The following MCTP1 variants were observed in gnomAD, a reference collection of about 807,000 sequenced individuals.
MCTP1 encodes multiple C2 and transmembrane domain-containing protein 1.
A neutral mutation model predicts 120.6 loss-of-function variants in MCTP1; 69 were observed. The ratio of observed to expected loss-of-function variants is 0.57; its 90% CI spans 0.47 to 0.70. MCTP1 has a LOEUF of 0.70. Among genes scored for constraint, MCTP1 ranks in the 30% least tolerant of loss-of-function variants. MCTP1 has a pLI of 0.00. For missense variants in MCTP1, 1,203 were observed against 1,248.8 expected (o/e 0.96, Z 0.55); for synonymous variants, 529 against 493.1 (o/e 1.07, Z -0.96).
At chr5:94,831,487 G>T (rs1788512899) in intron 17 of MCTP1, among the ~76,000 whole-genome samples, 1 of 152,084 alleles carries the variant, frequency 6.6e-6, no homozygotes, top group Non-Finnish European at 1.5e-5. Context: ...AGATCCTTGT[G>T]CAGTTTTTAA....
chr5:95,063,472 C>T (rs1316720169), intron 1 of MCTP1, among the ~76,000 whole-genome samples: 1 of 152,188 alleles, frequency 6.6e-6, no homozygotes, highest in Non-Finnish European at 1.5e-5. Context: ...AAATGTTACA[C>T]GTTAACACAG....
At chr5:95,053,039 T>A (rs1208198758) in intron 1 of MCTP1, among the ~76,000 whole-genome samples, 1 of 152,198 alleles carries the variant, frequency 6.6e-6, no homozygotes, top group Non-Finnish European at 1.5e-5. Flanking sequence ...AATACTAAAA[T>A]AAGTCTGTTT....
chr5:94,765,969 G>A (rs968514696), intron 19 of MCTP1, among the ~76,000 whole-genome samples: 1 of 152,166 alleles, frequency 6.6e-6, no homozygotes, highest in African/African-American at 2.4e-5. Flanking sequence ...AAGAGGCCTG[G>A]TGCGGTGGCT....
At chr5:95,000,973 C>T (rs1274378431) in intron 2 of MCTP1, among the ~76,000 whole-genome samples, 1 of 152,162 alleles carries the variant, frequency 6.6e-6, no homozygotes, top group Non-Finnish European at 1.5e-5. Flanking sequence ...CCCATAATCC[C>T]CACAAATCAT....
intron 1 of MCTP1, among the ~76,000 whole-genome samples, chr5:95,125,321 A>G (rs571060038): frequency 1.3e-5 from 2 of 152,340 alleles, no homozygotes; most frequent in South Asian, 2.1e-4. Context: ...GAACAATTTT[A>G]AACATATTAT....
intron 17 of MCTP1, among the ~76,000 whole-genome samples, chr5:94,832,609 AACACACACACACACACAC>A (rs59233492): frequency 2.0e-5 from 3 of 147,124 alleles, no homozygotes; most frequent in Admixed American, 6.8e-5. Flanking sequence ...GGGCTAGCTG[AACACACACACACACACAC>A]ACACACACAC....
chr5:94,927,095 A>G (rs1813332259), intron 6 of MCTP1, among the ~76,000 whole-genome samples: 1 of 152,214 alleles, frequency 6.6e-6, no homozygotes, highest in Admixed American at 6.5e-5. Flanking sequence ...CTTTGGGGAA[A>G]TATTGTCAAA....
At chr5:94,826,119 T>G (rs534294028) in intron 17 of MCTP1, 56 of 347,840 alleles carry the variant, frequency 1.6e-4, no homozygotes, top group East Asian at 1.0e-3. Context: ...ACAGTACAGA[T>G]CTCATGAATC....
intron 6 of MCTP1, chr5:94,929,596 A>T (rs1814034730): frequency 1.1e-6 from 1 of 877,890 alleles, no homozygotes; most frequent in Non-Finnish European, 1.4e-6. Context: ...AACATAGTAA[A>T]ATCTATAAAG....
At chr5:94,969,291 T>G (rs375017966) in intron 2 of MCTP1, among the ~76,000 whole-genome samples, 4 of 152,160 alleles carry the variant, frequency 2.6e-5, no homozygotes, top group African/African-American at 9.6e-5. Flanking sequence ...CTAAACGTGG[T>G]CTGAATGTGT....
At chr5:95,278,227 T>C (rs1760009407) in intron 1 of MCTP1, among the ~76,000 whole-genome samples, 1 of 152,134 alleles carries the variant, frequency 6.6e-6, no homozygotes, top group Non-Finnish European at 1.5e-5. Flanking sequence ...AAGAAAAGGT[T>C]GATGGTGAAG....
chr5:94,933,428 C>T (rs17084316), intron 5 of MCTP1, among the ~76,000 whole-genome samples: 20,073 of 151,486 alleles, frequency 0.13, 1,398 homozygotes, highest in African/African-American at 0.16. Context: ...TCCATCATCA[C>T]CAAAAGGCAA....
chr5:94,773,876 A>G (rs1330117033), intron 19 of MCTP1, among the ~76,000 whole-genome samples: 2 of 152,130 alleles, frequency 1.3e-5, no homozygotes, highest in African/African-American at 2.4e-5. Flanking sequence ...GGGAGCTACA[A>G]TTCAAGATAT....
intron 1 of MCTP1, among the ~76,000 whole-genome samples, chr5:95,042,140 A>G (rs1842459043): frequency 6.6e-6 from 1 of 152,312 alleles, no homozygotes; most frequent in Non-Finnish European, 1.5e-5. Context: ...CCAGTTATGT[A>G]TAATTGGCAT....
At chr5:94,920,742 AAAAT>A (rs113227976) in intron 7 of MCTP1, among the ~76,000 whole-genome samples, 28,621 of 141,818 alleles carry the variant, frequency 0.2, 3,009 homozygotes, top group South Asian at 0.29. Flanking sequence ...ATTCCGTCTC[AAAAT>A]AAATAAATAA....
At chr5:94,785,133 T>A (rs571577369) in intron 18 of MCTP1, among the ~76,000 whole-genome samples, 7 of 152,140 alleles carry the variant, frequency 4.6e-5, no homozygotes, top group Non-Finnish European at 7.4e-5. Flanking sequence ...AAGTGTCAGC[T>A]TAATATGCAG....
At chr5:94,949,129 T>C (rs1418027971) in intron 3 of MCTP1, among the ~76,000 whole-genome samples, 1 of 152,200 alleles carries the variant, frequency 6.6e-6, no homozygotes, top group Non-Finnish European at 1.5e-5. Context: ...CTCCAATTCA[T>C]GATTAGGCCA....
chr5:94,966,672 G>A (rs1196380375), intron 2 of MCTP1, among the ~76,000 whole-genome samples: 1 of 152,108 alleles, frequency 6.6e-6, no homozygotes, highest in African/African-American at 2.4e-5. Context: ...GCGGGCACCT[G>A]TAGTCCCAGC....
intron 17 of MCTP1, among the ~76,000 whole-genome samples, chr5:94,832,789 A>T (rs1788847414): frequency 6.6e-6 from 1 of 152,214 alleles, no homozygotes; most frequent in Admixed American, 6.5e-5. Flanking sequence ...TTGACACATC[A>T]TTAAGCTCCC....
Sources: gnomAD v4.1 joint callset for allele counts (sites outside exome capture counted in the v4.1 genomes callset) on GRCh38, gnomAD v4.1.1 for gene constraint, MANE v1.5 for transcripts, NCBI Gene and HGNC (gene_info 2026-07-23, HGNC 2026-07-21) for gene names.